Variants in PDZRN3 observed in about 807,000 individuals in gnomAD.
PDZRN3 encodes the protein E3 ubiquitin-protein ligase PDZRN3.
A neutral mutation model predicts 85.7 loss-of-function variants in PDZRN3; 38 were observed. That is an observed-to-expected ratio of 0.44 (90% CI 0.34 to 0.58). The LOEUF is 0.58. Among genes scored for constraint, PDZRN3 ranks in the 20% least tolerant of loss-of-function variants. The pLI is 0.01. For missense variants in PDZRN3, 1,629 were observed against 1,506.4 expected, an observed-to-expected ratio of 1.08 and a Z score of -1.35; for synonymous variants, 759 against 638.0, an observed-to-expected ratio of 1.19 and a Z score of -2.86.
At chr3:73,503,049 A>G (rs1022488427) in intron 3 of PDZRN3, among the ~76,000 whole-genome samples, 2 of 152,180 alleles carry the variant, frequency 1.3e-5, no homozygotes, top group Non-Finnish European at 1.5e-5. Context: ...ACTATCATGG[A>G]TAGTAGTTTT....
At chr3:73,548,719 TG>T (rs1701485607) in intron 3 of PDZRN3, among the ~76,000 whole-genome samples, 1 of 152,264 alleles carries the variant, frequency 6.6e-6, no homozygotes, top group Non-Finnish European at 1.5e-5. Flanking sequence ...ACTCAACACC[TG>T]TTTTAGTTAA....
intron 3 of PDZRN3, among the ~76,000 whole-genome samples, chr3:73,450,862 T>C (rs1361029428): frequency 6.6e-6 from 1 of 151,838 alleles, no homozygotes; most frequent in African/African-American, 2.4e-5. Context: ...ACCTGCAGAA[T>C]CAACAATCAA....
chr3:73,576,200 G>T (rs1702121898), intron 3 of PDZRN3, among the ~76,000 whole-genome samples: 1 of 152,086 alleles, frequency 6.6e-6, no homozygotes, highest in Non-Finnish European at 1.5e-5. Flanking sequence ...CCCAAACTGA[G>T]GAAATGAGCT....
At chr3:73,532,476 C>A (rs1015958264) in intron 3 of PDZRN3, among the ~76,000 whole-genome samples, 1 of 152,206 alleles carries the variant, frequency 6.6e-6, no homozygotes, top group Admixed American at 6.5e-5. Flanking sequence ...ACCTATCGTG[C>A]GCCAGGCATT....
At chr3:73,494,452 T>C (rs1035714930) in intron 3 of PDZRN3, among the ~76,000 whole-genome samples, 2 of 152,220 alleles carry the variant, frequency 1.3e-5, no homozygotes, top group Non-Finnish European at 2.9e-5. Flanking sequence ...TCCTGAAAAG[T>C]TGTGTGAATA....
chr3:73,419,050 A>C (rs901377666), intron 3 of PDZRN3, among the ~76,000 whole-genome samples: 1 of 152,190 alleles, frequency 6.6e-6, no homozygotes, highest in Non-Finnish European at 1.5e-5. Flanking sequence ...TAGCGTGTGG[A>C]CTAGATCCCT....
intron 5 of PDZRN3, among the ~76,000 whole-genome samples, chr3:73,398,362 T>C (rs752738358): frequency 2.2e-4 from 34 of 152,326 alleles, no homozygotes; most frequent in Middle Eastern, 3.4e-3. Flanking sequence ...GAGGAAATGA[T>C]AGCTTGGGCT....
At chr3:73,500,795 C>T (rs190568872) in intron 3 of PDZRN3, among the ~76,000 whole-genome samples, 41 of 152,310 alleles carry the variant, frequency 2.7e-4, no homozygotes, top group African/African-American at 9.9e-4. Flanking sequence ...TCTAAAGAAA[C>T]CTCTTTTTCT....
intron 3 of PDZRN3, among the ~76,000 whole-genome samples, chr3:73,566,356 CA>C: frequency 6.6e-6 from 1 of 152,170 alleles, no homozygotes; most frequent in East Asian, 1.9e-4. Context: ...GTGAGCACAA[CA>C]TTCAACTCAT....
rs569603994 is a variant in PDZRN3 at position 73,429,958 on chromosome 3, G to A, written c.919-25563C>T. Among the ~76,000 whole-genome samples, 7 of 152,112 alleles carry A rather than the reference G, an allele frequency of 4.6e-5. No homozygotes were observed. The South Asian group carries it at 1.5e-3, about 32-fold the overall frequency. The stretch of plus-strand genomic sequence containing the variant: ...ACCTGGGCCTGTCTGAGACACCAAG[G>A]TCTTTATGTTAGCCCCACAAAGGCA... On this transcript the variant is annotated intron_variant, in intron 3 of 9. Coordinates refer to ENST00000263666, the MANE Select transcript of PDZRN3 (RefSeq NM_015009.3).
chr3:73,392,916 C>G (rs928041107), intron 5 of PDZRN3, among the ~76,000 whole-genome samples: 1 of 152,066 alleles, frequency 6.6e-6, no homozygotes, highest in African/African-American at 2.4e-5. Context: ...CACAAATATA[C>G]TAGTCATACA....
intron 5 of PDZRN3, among the ~76,000 whole-genome samples, chr3:73,393,618 G>T (rs1195045625): frequency 1.3e-5 from 2 of 152,116 alleles, no homozygotes; most frequent in South Asian, 2.1e-4. Context: ...CAGCCAACCT[G>T]GTCCTTGTGG....
At chr3:73,518,530 A>C (rs1314937098) in intron 3 of PDZRN3, among the ~76,000 whole-genome samples, 1 of 152,052 alleles carries the variant, frequency 6.6e-6, no homozygotes, top group Non-Finnish European at 1.5e-5. Context: ...TACCACAATA[A>C]TTTTTTTAAA....
intron 3 of PDZRN3, among the ~76,000 whole-genome samples, chr3:73,577,634 A>G (rs1702143847): frequency 6.6e-6 from 1 of 152,132 alleles, no homozygotes; most frequent in Non-Finnish European, 1.5e-5. Flanking sequence ...GCCCCGCCCC[A>G]AAGTTCCTTC....
At chr3:73,563,555 A>G (rs928935924) in intron 3 of PDZRN3, among the ~76,000 whole-genome samples, 1 of 152,162 alleles carries the variant, frequency 6.6e-6, no homozygotes, top group African/African-American at 2.4e-5. Flanking sequence ...TATTTTATAC[A>G]ATTTCATTTA....
chr3:73,526,269 A>G (rs1575709704), intron 3 of PDZRN3, among the ~76,000 whole-genome samples: 1 of 152,342 alleles, frequency 6.6e-6, no homozygotes, highest in East Asian at 1.9e-4. Flanking sequence ...TGCCATCCAC[A>G]GCCTCAATAC....
chr3:73,487,887 A>ACTC lies in PDZRN3; in HGVS notation c.919-83495_919-83493dup, dbSNP rs746103373. ...AAGGCCATTTCACAACAGGGCAAAG[A>ACTC]CTCCCAGAAACATCACCTAATGAGA... On this transcript the variant is annotated intron_variant, in intron 3 of 9. Transcript: ENST00000263666. Among the ~76,000 whole-genome samples the ACTC allele has an allele frequency of 3.0e-4, 46 of 152,230 alleles. 1 individual carries two copies. In the East Asian group the frequency reaches 5.4e-3, roughly 18 times the overall value.
At chr3:73,396,739 T>A (rs1354334994) in intron 5 of PDZRN3, among the ~76,000 whole-genome samples, 1 of 152,212 alleles carries the variant, frequency 6.6e-6, no homozygotes, top group Admixed American at 6.5e-5. Context: ...GCAGCCTACA[T>A]AGGATGCTAC....
chr3:73,476,539 T>C (rs1490436431), intron 3 of PDZRN3, among the ~76,000 whole-genome samples: 2 of 152,196 alleles, frequency 1.3e-5, no homozygotes, highest in African/African-American at 2.4e-5. Context: ...TCAGGTAGTA[T>C]GTTCCCACAC....
Sources: gnomAD v4.1 joint callset for allele counts (sites outside exome capture counted in the v4.1 genomes callset) on GRCh38, gnomAD v4.1.1 for gene constraint, MANE v1.5 for transcripts, NCBI Gene and HGNC (gene_info 2026-07-23, HGNC 2026-07-21) for gene names.